The following AGT variants were observed in gnomAD, a reference collection of about 807,000 sequenced individuals.
AGT encodes angiotensinogen, also known as alpha-1 antiproteinase, antitrypsin.
In AGT, 26 loss-of-function variants were observed where a neutral mutation model predicts 28.1. The observed-to-expected ratio is 0.92, with a 90% CI of 0.68 to 1.28. The LOEUF (loss-of-function observed/expected upper bound fraction) is 1.28. Ranked by LOEUF, AGT falls within the 50% of genes most tolerant of loss-of-function variation. AGT has a pLI of 0.00. For missense variants in AGT, 596 were observed against 592.3 expected (o/e 1.01, Z -0.06); for synonymous variants, 259 against 259.6 (o/e 1.00, Z 0.02).
chr1:230,728,019 G>A (rs1663976728), intron 1 of AGT, among the ~76,000 whole-genome samples: 2 of 152,142 alleles, frequency 1.3e-5, no homozygotes, highest in Non-Finnish European at 2.9e-5. Flanking sequence ...TAGTTTGGTA[G>A]GCAGGTGGCT....
intron 1 of AGT, among the ~76,000 whole-genome samples, chr1:230,743,046 C>A (rs868268019): frequency 2.6e-5 from 4 of 152,102 alleles, no homozygotes; most frequent in African/African-American, 7.2e-5. Flanking sequence ...GCTGGAGTGC[C>A]GTGGCTCGAT....
chr1:230,710,769 C>G lies in AGT; in HGVS notation c.55G>C (p.Ala19Pro), dbSNP rs759684962. 1.6e-5 allele frequency: 26 copies of G among 1,613,962 alleles called. 1 individual carries two copies. In the South Asian group the frequency reaches 1.8e-4, roughly 11 times the overall value. ...ACCCGGTCACCTGCAGCCAGGCCAG[C>G]CCAGGCCAGGAGGCAGAGGATGGTG... Reference protein sequence around the residue: ...RATILCLLAWAGLAAGDRVYI... With the variant: ...RATILCLLAWPGLAAGDRVYI... The change falls in exon 2 of 5, where the codon GCT becomes CCT. Residue 19 changes from alanine (A) to proline (P), a missense_variant. Physicochemically the swap from Ala to Pro is conservative, Grantham distance 27. Coordinates refer to ENST00000366667, the MANE Select transcript of AGT (RefSeq NM_001384479.1).
chr1:230,708,952 C>G (rs1036945102), intron 2 of AGT, among the ~76,000 whole-genome samples: 6 of 152,354 alleles, frequency 3.9e-5, no homozygotes, highest in African/African-American at 1.4e-4. Context: ...AGCCAACCGC[C>G]CCATCCTCGT....
chr1:230,709,379 A>G (rs1394738877), intron 2 of AGT, among the ~76,000 whole-genome samples: 3 of 151,794 alleles, frequency 2.0e-5, no homozygotes, highest in African/African-American at 4.8e-5. Context: ...GGCTACAGTG[A>G]GCAATGATGG....
intron 2 of AGT, among the ~76,000 whole-genome samples, chr1:230,707,181 C>T (rs905459062): frequency 4.6e-5 from 7 of 152,216 alleles, no homozygotes; most frequent in African/African-American, 1.7e-4. Flanking sequence ...GGGAGAAGGA[C>T]ACAAATTTGT....
intron 1 of AGT, among the ~76,000 whole-genome samples, chr1:230,722,200 T>TG (rs1663858904): frequency 6.6e-6 from 1 of 152,254 alleles, no homozygotes; most frequent in South Asian, 2.1e-4. Flanking sequence ...CCCCAAGCCT[T>TG]GGCAGCTTCC....
intron 1 of AGT, among the ~76,000 whole-genome samples, chr1:230,737,265 G>C (rs753604884): frequency 1.3e-5 from 2 of 152,096 alleles, no homozygotes; most frequent in Non-Finnish European, 2.9e-5. Context: ...TGCACAAAGT[G>C]CCATGCGTAG....
intron 2 of AGT, among the ~76,000 whole-genome samples, 161 bp from the exon 3 acceptor site, chr1:230,706,361 G>A (rs13306154): frequency 2.6e-5 from 4 of 152,240 alleles, no homozygotes; most frequent in South Asian, 2.1e-4. Context: ...CCACAGGACC[G>A]CAAGTGTGGC....
chr1:230,739,561 C>G (rs1359142309), intron 1 of AGT, among the ~76,000 whole-genome samples: 2 of 152,054 alleles, frequency 1.3e-5, no homozygotes, highest in Non-Finnish European at 2.9e-5. Flanking sequence ...GAGGGCTCAT[C>G]ATTAACGGGA....
Position 230,702,976 on chromosome 1 carries a change from G to C in AGT, c.*165C>G, listed in dbSNP as rs547882945. The C allele has an allele frequency of 2.7e-6, 2 of 750,868 alleles. No homozygotes were observed. Among genetic ancestry groups the C allele is most frequent in the South Asian group, 3.7e-5 (2 of 54,348 alleles). 46.5% of individuals were successfully genotyped at this position (750,868 alleles called of 1,614,324 possible). On this transcript the variant is annotated 3_prime_UTR_variant, in exon 5 of 5. Coordinates refer to ENST00000366667, the MANE Select transcript of AGT (RefSeq NM_001384479.1). ...CTCCATGCAGCACACTTAGACCAAGGAGAAACGGCTGCTTTCCAGCTCAAA... is the reference window on the plus strand; with the variant it reads ...CTCCATGCAGCACACTTAGACCAAGCAGAAACGGCTGCTTTCCAGCTCAAA...
intron 1 of AGT, 142 bp downstream of exon 1, chr1:230,713,944 G>C (rs1389443852): frequency 6.6e-6 from 1 of 152,212 alleles, no homozygotes; most frequent in African/African-American, 2.4e-5. Flanking sequence ...GAAAGCCCGC[G>C]TCCGGATGAC....
In AGT at chr1:230,710,551, C is replaced by T. The variant is rs1221283369; in HGVS notation, c.273G>A (p.Lys91=). 1.2e-6 allele frequency: 2 copies of T among 1,614,272 alleles called. 1 individual carries two copies. The highest frequency in any genetic ancestry group is 2.2e-5 in the South Asian group (2 of 91,088). The change falls in exon 2 of 5, where the codon AAG becomes AAA. Residue 91 remains lysine, a synonymous_variant. Coordinates refer to ENST00000366667, the MANE Select transcript of AGT (RefSeq NM_001384479.1). The stretch of plus-strand genomic sequence containing the variant: ...GCATCCCGACCATTGCGGCCCTCAA[C>T]TTGTCTTCGGTGTCAAGTTTTGCAG... The part of the protein sequence containing the change: ...LVAAKLDTED[K]LRAAMVGMLA...
rs113136675 is a variant in AGT at position 230,737,181 on chromosome 1, T to C, written c.-31+8334A>G. On this transcript the variant is annotated intron_variant, in intron 1 of 4. Transcript: ENST00000681269. The stretch of plus-strand genomic sequence containing the variant: ...TGAGTTCCCCAAACCCTTCATCAAA[T>C]ACCTCTCTGCCTAGTTTATACTGAT... Among the ~76,000 whole-genome samples the C allele has an allele frequency of 1.6e-3, 247 of 152,234 alleles. 3 individuals are homozygous for C. The highest frequency in any genetic ancestry group is 5.8e-3 in the African/African-American group (241 of 41,550).
intron 1 of AGT, among the ~76,000 whole-genome samples, chr1:230,744,655 C>T (rs1046269512): frequency 1.3e-5 from 2 of 152,148 alleles, no homozygotes; most frequent in African/African-American, 4.8e-5. Context: ...CTCCAATTAC[C>T]TAGCAACTAT....
At chr1:230,727,014 T>C (rs1222385707) in intron 1 of AGT, among the ~76,000 whole-genome samples, 5 of 152,216 alleles carry the variant, frequency 3.3e-5, no homozygotes, top group Admixed American at 3.3e-4. Context: ...ATGTGAATGG[T>C]GACCTTCTGG....
chr1:230,711,882 C>G lies in AGT; in HGVS notation c.-30-1029G>C, dbSNP rs1450497496. Among the ~76,000 whole-genome samples, 6 of 151,908 alleles carry G rather than the reference C, an allele frequency of 3.9e-5. No homozygotes were observed. The East Asian group carries it at 1.2e-3, about 29-fold the overall frequency. On this transcript the variant is annotated intron_variant, in intron 1 of 4. Coordinates refer to ENST00000366667, the MANE Select transcript of AGT (RefSeq NM_001384479.1). The stretch of plus-strand genomic sequence containing the variant: ...TGATATGTAAGCAGGGTTTAGAACC[C>G]CTGCCCTAGACACGGGTCCAGCACC...
Position 230,710,650 on chromosome 1 carries a change from G to C in AGT, c.174C>G (p.Phe58Leu), listed in dbSNP as rs369750944. 1.9e-6 allele frequency: 3 copies of C among 1,614,138 alleles called. No homozygotes were observed. The highest frequency in any genetic ancestry group is 2.7e-5 in the African/African-American group (2 of 74,954). Reference protein sequence around the residue: ...ANAGKPKDPTFIPAPIQAKTS... With the variant: ...ANAGKPKDPTLIPAPIQAKTS... ...TCTTGGCCTGAATTGGAGCAGGTAT[G>C]AAGGTGGGGTCTTTGGGCTTCCCGG... The change falls in exon 2 of 5, where the codon TTC becomes TTG. Residue 58 changes from phenylalanine to leucine, a missense_variant. Phe to Leu is a conservative substitution (Grantham distance 22, BLOSUM62 0). Coordinates refer to ENST00000366667, the MANE Select transcript of AGT (RefSeq NM_001384479.1).
At chr1:230,713,093 G>C (rs189199707) in intron 1 of AGT, among the ~76,000 whole-genome samples, 66 of 152,116 alleles carry the variant, frequency 4.3e-4, no homozygotes, top group African/African-American at 1.6e-3. Flanking sequence ...CACCACACCG[G>C]GCACTCTCAA....
chr1:230,708,875 C>T (rs776843650), intron 2 of AGT, among the ~76,000 whole-genome samples: 3 of 152,254 alleles, frequency 2.0e-5, no homozygotes, highest in Non-Finnish European at 2.9e-5. Context: ...ACCTACCAAG[C>T]ATGGCGTTCA....
Sources: allele counts gnomAD v4.1 joint callset (sites outside exome capture counted in the v4.1 genomes callset), GRCh38; gene constraint gnomAD v4.1.1; transcripts MANE v1.5; gene names NCBI Gene and HGNC (gene_info 2026-07-23, HGNC 2026-07-21).